ULBP2: variants seen among roughly 807,000 people sequenced by gnomAD.
ULBP2 encodes the protein UL16 binding protein 2.
A neutral mutation model predicts 23.6 loss-of-function variants in ULBP2; 21 were observed. The observed-to-expected ratio is 0.89, with a 90% CI of 0.63 to 1.28. The LOEUF is 1.28. ULBP2 is among the 50% of genes most tolerant of loss of function. ULBP2 has a pLI of 0.00. For synonymous variants in ULBP2, 82 were observed against 112.8 expected (o/e 0.73, Z 1.73); for missense variants, 251 against 306.0 (o/e 0.82, Z 1.34).
At chr6:149,944,293 G>C (rs797022016) in intron 1 of ULBP2, among the ~76,000 whole-genome samples, 21 of 151,860 alleles carry the variant, frequency 1.4e-4, no homozygotes, top group African/African-American at 4.9e-4. Context: ...GGGTGGGTTT[G>C]CATCTCTTTT....
rs770324905 is a variant in ULBP2, at chr6:149,945,450, C to T, written c.227C>T (p.Pro76Leu). 69 of 1,613,974 alleles carry T rather than the reference C, an allele frequency of 4.3e-5. 1 individual carries two copies. In the East Asian group the frequency reaches 1.3e-3, roughly 30 times the overall value. Residue 76 changes from proline (P) to leucine (L), a missense_variant, in exon 2 of 5, where the codon CCC (proline) becomes CTC (leucine). Pro to Leu is a moderately conservative substitution (Grantham distance 98). Around this residue, in one of 2 missense-constraint regions of ULBP2, gnomAD observed 248 missense variants for 258.9 expected, o/e 0.96. Transcript: ENST00000367351. Reference protein sequence around the residue: ...CGNKTVTPVSPLGKKLNVTTA... With the variant: ...CGNKTVTPVSLLGKKLNVTTA... The stretch of plus-strand genomic sequence containing the variant: ...AACAAGACAGTCACACCTGTCAGTC[C>T]CCTGGGGAAGAAACTAAATGTCACA...
At chr6:149,944,705 C>T (rs1370925762) in intron 1 of ULBP2, among the ~76,000 whole-genome samples, 1 of 131,878 alleles carries the variant, frequency 7.6e-6, no homozygotes, top group Non-Finnish European at 1.5e-5. Context: ...ATCTCTCCCT[C>T]CACTACCTGC....
In ULBP2 at chr6:149,942,100, C is replaced by A; in HGVS notation, c.28C>A (p.Leu10Ile). The A allele has an allele frequency of 6.2e-7, 1 of 1,613,604 alleles. No homozygotes were observed. Among genetic ancestry groups the A allele is most frequent in the Non-Finnish European group, 8.5e-7 (1 of 1,179,886 alleles). Residue 10 changes from leucine to isoleucine, a missense_variant, in exon 1 of 5, where the codon CTT (leucine) becomes ATT (isoleucine). By Grantham distance (5) the Leu-to-Ile change is conservative (BLOSUM62 2). This residue lies in a region of ULBP2 where 248 missense variants were observed against 258.9 expected (regional missense o/e 0.96). Transcript: ENST00000367351. MAAAAATKI[L>I]LCLPLLLLLS... is the part of the protein sequence containing the mutation. ...GGCAGCAGCCGCCGCTACCAAGATC[C>A]TTCTGTGCCTCCCGCTTCTGCTCCT...
intron 2 of ULBP2, among the ~76,000 whole-genome samples, chr6:149,946,037 T>G (rs1373560183): frequency 6.7e-6 from 1 of 148,790 alleles, no homozygotes; most frequent in Non-Finnish European, 1.5e-5. Flanking sequence ...GGTTAAGAGA[T>G]CGAGACCATC....
At chr6:149,945,204 G>T (rs1778916104) in intron 1 of ULBP2, 105 bp from the exon 2 acceptor site, 7 of 1,401,348 alleles carry the variant, frequency 5.0e-6, no homozygotes, top group Non-Finnish European at 5.8e-6. Context: ...TCCTTCCTGG[G>T]CCAGCCCAGC....
rs1398950539 is a variant in ULBP2 at position 149,946,314 on chromosome 6, C to T, written c.350-58C>T. ...TAAGGCCAGCAAATTGTAAGGGGAA[C>T]AGGATGGGGGTGCAAAATTTGTCAA... On this transcript the variant is annotated intron_variant, in intron 2 of 4. Coordinates refer to ENST00000367351, the MANE Select transcript of ULBP2 (RefSeq NM_025217.4). 7.0e-6 allele frequency: 11 copies of T among 1,561,480 alleles called. No homozygotes were observed. The East Asian group carries it at 2.5e-4, about 35-fold the overall frequency.
chr6:149,943,524 G>A (rs544843456), intron 1 of ULBP2, among the ~76,000 whole-genome samples: 8 of 152,208 alleles, frequency 5.3e-5, no homozygotes, highest in African/African-American at 9.6e-5. Context: ...CTTGGTTCCC[G>A]GTGGCCCTGC....
At chr6:149,943,158 AC>A (rs908691723) in intron 1 of ULBP2, among the ~76,000 whole-genome samples, 15 of 152,232 alleles carry the variant, frequency 9.9e-5, no homozygotes, top group African/African-American at 3.6e-4. Flanking sequence ...GGCAATGGCA[AC>A]CTTCAAATAG....
At chr6:149,946,975 T>C (rs1778952932) in intron 3 of ULBP2, among the ~76,000 whole-genome samples, 1 of 152,044 alleles carries the variant, frequency 6.6e-6, no homozygotes, top group East Asian at 1.9e-4. Flanking sequence ...ACTTTTCCTT[T>C]CCTTTCCCTG....
chr6:149,945,741 G>C (rs2114684972), intron 2 of ULBP2, among the ~76,000 whole-genome samples, 169 bp downstream of exon 2: 1 of 152,170 alleles, frequency 6.6e-6, no homozygotes, highest in Admixed American at 6.5e-5. Context: ...AGGAATTCGA[G>C]ACCAGCCTGA....
At position 149,948,743 on chromosome 6, in the gene ULBP2, G is replaced by T. The variant is rs1317853904; in HGVS notation, c.*43G>T. 1 of 456,668 alleles carries T rather than the reference G, an allele frequency of 2.2e-6. No individual in the cohort carries two copies. Among genetic ancestry groups the T allele is most frequent in the South Asian group, 1.5e-5 (1 of 64,564 alleles). 28.3% of individuals were successfully genotyped at this position (456,668 alleles called of 1,614,324 possible). ...TGAAGGTTAAAGCTGATACCAAAAGGCTCCTGTGAGCACGGTCTTGATCAA... is the reference window on the plus strand; with the variant it reads ...TGAAGGTTAAAGCTGATACCAAAAGTCTCCTGTGAGCACGGTCTTGATCAA... On this transcript the variant is annotated 3_prime_UTR_variant, in exon 5 of 5. Coordinates refer to ENST00000367351, the MANE Select transcript of ULBP2 (RefSeq NM_025217.4).
chr6:149,944,783 C>A (rs1778909903), intron 1 of ULBP2, among the ~76,000 whole-genome samples: 1 of 138,900 alleles, frequency 7.2e-6, no homozygotes. Flanking sequence ...TCAGGAAGGC[C>A]TCCTCATAGC....
chr6:149,943,004 T>C (rs80040880), intron 1 of ULBP2, among the ~76,000 whole-genome samples: 8,548 of 151,992 alleles, frequency 0.056, 510 homozygotes, highest in East Asian at 0.34. Context: ...CCTACGGGGG[T>C]GTCAGCGTCA....
Position 149,947,411 on chromosome 6 carries a change from C to T in ULBP2, c.723C>T (p.Phe241=), listed in dbSNP as rs1778959802. 4 of 1,381,380 alleles carry T rather than the reference C, an allele frequency of 2.9e-6. No individual in the cohort carries two copies. The highest frequency in any genetic ancestry group is 1.5e-5 in the African/African-American group (1 of 67,894). The allele number at this position is 1,381,380 out of a possible 1,614,324, so 85.6% of individuals were successfully genotyped here. ...LCCLLIILPC[F]ILPGI The stretch of plus-strand genomic sequence containing the variant: ...GCCTCCTCATCATCCTCCCCTGCTT[C>T]ATCCTCCCTGGCATCTGAGGAGAGT... The change falls in exon 4 of 5, where the codon TTC becomes TTT. Residue 241 remains phenylalanine (F), a synonymous_variant. Coordinates refer to ENST00000367351, the MANE Select transcript of ULBP2 (RefSeq NM_025217.4).
rs578003918 is a variant in ULBP2 at position 149,944,046 on chromosome 6, C to T, written c.86-1263C>T. On this transcript the variant is annotated intron_variant, in intron 1 of 4. Coordinates refer to ENST00000367351, the MANE Select transcript of ULBP2 (RefSeq NM_025217.4). ...AAATTGCCCTTCACAGCAAACTCTA[C>T]TGGCCATAAATATCTTTGGAGAAGG... 7.8e-4 allele frequency among the ~76,000 whole-genome samples: 119 copies of T among 151,920 alleles called. 1 individual carries two copies. Among genetic ancestry groups the T allele is most frequent in the African/African-American group, 2.5e-3 (102 of 41,214 alleles).
intron 1 of ULBP2, among the ~76,000 whole-genome samples, chr6:149,944,294 C>T (rs1233095943): frequency 6.6e-6 from 1 of 151,918 alleles, no homozygotes; most frequent in Admixed American, 6.6e-5. Flanking sequence ...GGTGGGTTTG[C>T]ATCTCTTTTG....
intron 3 of ULBP2, 115 bp downstream of exon 3, chr6:149,946,768 ACCTCCTCGTGGGGCGCT>A: frequency 6.5e-7 from 1 of 1,532,916 alleles, no homozygotes; most frequent in Non-Finnish European, 8.8e-7. Context: ...CGTTAAAATG[ACCTCCTCGTGGGGCGCT>A]CCTCCTGGGG....
Position 149,945,527 on chromosome 6 carries a change from A to G in ULBP2, c.304A>G (p.Thr102Ala). 6.2e-7 allele frequency: 1 copy of G among 1,614,050 alleles called. No homozygotes were observed. Among genetic ancestry groups the G allele is most frequent in the Non-Finnish European group, 8.5e-7 (1 of 1,179,886 alleles). The change falls in exon 2 of 5, where the codon ACA becomes GCA. Residue 102 changes from threonine to alanine, a missense_variant. Physicochemically the swap from Thr to Ala is moderately conservative, Grantham distance 58 (BLOSUM62 0). This residue lies in a region of ULBP2 where 248 missense variants were observed against 258.9 expected (regional missense o/e 0.96). Transcript: ENST00000367351. ...ACTGAGAGAGGTGGTGGACATACTT[A>G]CAGAGCAACTGCGTGACATTCAGCT... is the stretch of plus-strand genomic sequence containing the variant. Reference protein sequence around the residue: ...PVLREVVDILTEQLRDIQLEN... With the variant: ...PVLREVVDILAEQLRDIQLEN...
In ULBP2 at chr6:149,945,441, C is replaced by T; in HGVS notation, c.218C>T (p.Pro73Leu). 1.2e-6 allele frequency: 2 copies of T among 1,613,964 alleles called. No homozygotes were observed. Among genetic ancestry groups the T allele is most frequent in the Non-Finnish European group, 1.7e-6 (2 of 1,179,884 alleles). Residue 73 changes from proline to leucine, a missense_variant, in exon 2 of 5, where the codon CCT (proline) becomes CTT (leucine). Pro to Leu is a moderately conservative substitution (Grantham distance 98). This residue lies in a region of ULBP2 where 248 missense variants were observed against 258.9 expected (regional missense o/e 0.96). Coordinates refer to ENST00000367351, the MANE Select transcript of ULBP2 (RefSeq NM_025217.4). ...GACTGTGGCAACAAGACAGTCACACCTGTCAGTCCCCTGGGGAAGAAACTA... is the reference window on the plus strand; with the variant it reads ...GACTGTGGCAACAAGACAGTCACACTTGTCAGTCCCCTGGGGAAGAAACTA... ...HYDCGNKTVT[P>L]VSPLGKKLNV...
Sources: gnomAD v4.1 joint callset for allele counts (sites outside exome capture counted in the v4.1 genomes callset) on GRCh38, gnomAD v4.1.1 for gene constraint, gnomAD v4.1.1 regional missense constraint, MANE v1.5 for transcripts, NCBI Gene and HGNC (gene_info 2026-07-23, HGNC 2026-07-21) for gene names.